The following PEX5L variants were observed in gnomAD, a reference collection of about 807,000 sequenced individuals.
PEX5L encodes peroxisomal biogenesis factor 5 like.
In PEX5L, 30 loss-of-function variants were observed where a neutral mutation model predicts 84.0. That is an observed-to-expected ratio of 0.36 (90% CI 0.27 to 0.48). The LOEUF is 0.48. Ranked by LOEUF, PEX5L falls within the 20% of genes least tolerant of loss-of-function variation. The probability of loss-of-function intolerance (pLI) is 0.99; values close to 1 mark genes in which losing one functional copy is unlikely to be tolerated. For synonymous variants in PEX5L, 270 were observed against 283.1 expected, an observed-to-expected ratio of 0.95 and a Z score of 0.46; for missense variants, 533 against 754.6, an observed-to-expected ratio of 0.71 and a Z score of 3.44.
intron 1 of PEX5L, among the ~76,000 whole-genome samples, chr3:180,028,774 A>C (rs9866443): frequency 0.016 from 2,406 of 152,350 alleles, 75 homozygotes; most frequent in African/African-American, 0.055. Flanking sequence ...TGTGACCTCA[A>C]AATTGAACAT....
At chr3:180,012,818 T>C (rs1789605597) in intron 1 of PEX5L, among the ~76,000 whole-genome samples, 1 of 152,128 alleles carries the variant, frequency 6.6e-6, no homozygotes. Context: ...GTCGACCTAA[T>C]AGTAAATCTT....
At position 179,805,408 on chromosome 3, in the gene PEX5L, G is replaced by A. The variant is rs572612401; in HGVS notation, c.1676+2266C>T. Reference sequence around the variant, plus strand: ...GAATACCAAAATCTGAGAATGCTCAGGTCCCTTGTATAAAATAGCATAATA... The same window carrying A: ...GAATACCAAAATCTGAGAATGCTCAAGTCCCTTGTATAAAATAGCATAATA... On this transcript the variant is annotated intron_variant, in intron 14 of 14. Transcript: ENST00000467460. Among the ~76,000 whole-genome samples, 4 of 152,098 alleles carry A rather than the reference G, an allele frequency of 2.6e-5. No homozygotes were observed. In the South Asian group the frequency reaches 8.3e-4, roughly 32 times the overall value.
Position 180,015,794 on chromosome 3 carries a change from G to T in PEX5L, c.21+20785C>A, listed in dbSNP as rs866350747. ...AAGAATGAAGGGCAATGATAGAAGA[G>T]ATTTGAAACTAATTTTCTTGACTTT... On this transcript the variant is annotated intron_variant, in intron 1 of 14. Coordinates refer to ENST00000467460, the MANE Select transcript of PEX5L (RefSeq NM_016559.3). Among the ~76,000 whole-genome samples, 15 of 151,002 alleles carry T rather than the reference G, an allele frequency of 9.9e-5. 1 individual carries two copies. The Middle Eastern group carries it at 0.021, about 208-fold the overall frequency.
chr3:179,905,859 C>T (rs1763015047), intron 2 of PEX5L, among the ~76,000 whole-genome samples: 1 of 152,154 alleles, frequency 6.6e-6, no homozygotes, highest in African/African-American at 2.4e-5. Context: ...GAACCATTTC[C>T]ACATTGTTTG....
At position 179,809,468 on chromosome 3, in the gene PEX5L, T is replaced by C; in HGVS notation, c.1352+3A>G. The C allele has an allele frequency of 6.2e-7, 1 of 1,609,082 alleles. No homozygotes were observed. The highest frequency in any genetic ancestry group is 8.5e-7 in the Non-Finnish European group (1 of 1,175,362). ...GCCAGCTGTAATATAACGAGAAGGA[T>C]ACCTATCAACTGGGGACTTAGACAT... On this transcript the variant is annotated splice_donor_region_variant and intron_variant, in intron 12 of 14. Coordinates refer to ENST00000467460, the MANE Select transcript of PEX5L (RefSeq NM_016559.3).
intron 3 of PEX5L, among the ~76,000 whole-genome samples, chr3:179,890,400 G>C (rs1486975391): frequency 6.6e-6 from 1 of 152,114 alleles, no homozygotes; most frequent in East Asian, 1.9e-4. Context: ...TTACCCATTG[G>C]CTAAATTGTA....
At position 179,796,324 on chromosome 3, in the gene PEX5L, G is replaced by A. The variant is rs753930007; in HGVS notation, c.*5504C>T. 6.6e-6 allele frequency: 1 copy of A among 152,140 alleles called. No individual in the cohort carries two copies. The highest frequency in any genetic ancestry group is 1.5e-5 in the Non-Finnish European group (1 of 68,026). The allele number at this position is 152,140 out of a possible 1,614,324, so 9.4% of individuals were successfully genotyped here. On this transcript the variant is annotated 3_prime_UTR_variant, in exon 15 of 15. Coordinates refer to ENST00000467460, the MANE Select transcript of PEX5L (RefSeq NM_016559.3). ...ACGGAGCTCATCAGGGTTTTGCTCT[G>A]ACATTCTGCAGCATTGCAAGTTAGT...
intron 2 of PEX5L, among the ~76,000 whole-genome samples, chr3:179,956,527 G>GAT (rs555097795): frequency 2.6e-4 from 40 of 152,090 alleles, no homozygotes; most frequent in African/African-American, 9.6e-4. Flanking sequence ...TACCCTAGTG[G>GAT]ATATATATAT....
At chr3:179,993,891 T>G (rs1787616375) in intron 1 of PEX5L, among the ~76,000 whole-genome samples, 1 of 152,226 alleles carries the variant, frequency 6.6e-6, no homozygotes, top group Admixed American at 6.5e-5. Context: ...GGAAAATAAG[T>G]CTGTACATGT....
intron 2 of PEX5L, among the ~76,000 whole-genome samples, chr3:179,958,901 G>A (rs546264965): frequency 1.3e-5 from 2 of 151,956 alleles, no homozygotes; most frequent in South Asian, 4.2e-4. Context: ...TCTTCTGCAG[G>A]GCTTGTTAAA....
intron 1 of PEX5L, among the ~76,000 whole-genome samples, chr3:179,971,881 C>A (rs980997125): frequency 1.3e-5 from 2 of 152,116 alleles, no homozygotes; most frequent in Admixed American, 1.3e-4. Context: ...CCTCCACTAC[C>A]CAACTTATAC....
chr3:180,009,761 T>C (rs1226924657), intron 1 of PEX5L, among the ~76,000 whole-genome samples: 3 of 151,948 alleles, frequency 2.0e-5, no homozygotes, highest in Non-Finnish European at 2.9e-5. Flanking sequence ...TATATAGTTG[T>C]TTTTTTCCTC....
At chr3:180,020,934 A>G (rs1790370374) in intron 1 of PEX5L, among the ~76,000 whole-genome samples, 1 of 152,174 alleles carries the variant, frequency 6.6e-6, no homozygotes, top group African/African-American at 2.4e-5. Flanking sequence ...TTGCTTGCCC[A>G]CCATGACTAG....
chr3:179,920,285 T>C (rs1184589629), intron 2 of PEX5L, among the ~76,000 whole-genome samples: 1 of 152,216 alleles, frequency 6.6e-6, no homozygotes, highest in Non-Finnish European at 1.5e-5. Context: ...TTCATCCTGC[T>C]CTTTTTAGAG....
chr3:179,885,510 G>A (rs1755558085), intron 4 of PEX5L, among the ~76,000 whole-genome samples: 1 of 152,156 alleles, frequency 6.6e-6, no homozygotes, highest in African/African-American at 2.4e-5. Context: ...GCCAGTCGTG[G>A]TGGCAGGTGC....
At position 179,809,632 on chromosome 3, in the gene PEX5L, C is replaced by T. The variant is rs1441744232; in HGVS notation, c.1191G>A (p.Leu397=). The change falls in exon 12 of 15, where the codon TTG becomes TTA. Residue 397 remains leucine, a synonymous_variant. Transcript: ENST00000467460. ...LELQPNNLKA[L]MALAVSYTNT... is the part of the protein sequence containing the mutation. ...TAGTATAACTCACAGCCAAGGCCAT[C>T]AAAGCTTTTAAGTTGTTGGGCTGTA... 1 of 1,604,324 alleles carries T rather than the reference C, an allele frequency of 6.2e-7. No homozygotes were observed. The highest frequency in any genetic ancestry group is 1.1e-5 in the South Asian group (1 of 90,654).
At chr3:180,025,823 A>T (rs1352490324) in intron 1 of PEX5L, among the ~76,000 whole-genome samples, 69 of 152,370 alleles carry the variant, frequency 4.5e-4, no homozygotes, top group Non-Finnish European at 4.4e-5. Flanking sequence ...CTATAAAAAC[A>T]TAAGAGCTAG....
chr3:179,809,115 TAGAAGACG>T (rs1021054756), intron 12 of PEX5L, among the ~76,000 whole-genome samples: 1 of 142,508 alleles, frequency 7.0e-6, no homozygotes, highest in African/African-American at 2.5e-5. Flanking sequence ...ACAAAATTTC[TAGAAGACG>T]AGACTTTCAT....
In PEX5L at chr3:179,861,497, G is replaced by A. The variant is rs565446178; in HGVS notation, c.727-2340C>T. ...CCCGCAGGCAGCACAGGGGTGAGGC[G>A]CCTACAGGGGTGTCTGTGGTCAGAA... On this transcript the variant is annotated intron_variant, in intron 7 of 14. Transcript: ENST00000467460. Among the ~76,000 whole-genome samples, 12 of 152,344 alleles carry A rather than the reference G, an allele frequency of 7.9e-5. No homozygotes were observed. The South Asian group carries it at 1.0e-3, about 13-fold the overall frequency.
Sources: allele counts gnomAD v4.1 joint callset (sites outside exome capture counted in the v4.1 genomes callset), GRCh38; gene constraint gnomAD v4.1.1; transcripts MANE v1.5; gene names NCBI Gene and HGNC (gene_info 2026-07-23, HGNC 2026-07-21).